PCNA: variants seen among roughly 807,000 people sequenced by gnomAD.
The protein encoded by PCNA is DNA sliding clamp PCNA.
Under a neutral mutation model 27.8 loss-of-function variants are expected in PCNA, and 4 were observed. That is an observed-to-expected ratio of 0.14 (90% CI 0.07 to 0.33). The LOEUF is 0.33. Among genes scored for constraint, PCNA ranks in the 10% least tolerant of loss-of-function variants. PCNA has a pLI of 1.00. For missense variants in PCNA, 165 were observed against 327.4 expected (o/e 0.50, Z 3.83); for synonymous variants, 121 against 119.4 (o/e 1.01, Z -0.09).
In PCNA at chr20:5,115,175, T is replaced by A. The variant is rs2090466570; in HGVS notation, c.*108A>T. On this transcript the variant is annotated 3_prime_UTR_variant, in exon 6 of 6. Transcript: ENST00000379143. ...ATTTACAGAAAACAATATCTACATA[T>A]GTACTTAGAGGTACAAATTTGGTGA... 1 of 717,274 alleles carries A rather than the reference T, an allele frequency of 1.4e-6. No homozygotes were observed. Among genetic ancestry groups the A allele is most frequent in the African/African-American group, 1.8e-5 (1 of 56,220 alleles). 44.4% of individuals were successfully genotyped at this position (717,274 alleles called of 1,614,324 possible).
At chr20:5,121,555 T>C (rs913961300), upstream of PCNA, 1 of 154,270 alleles carries the variant, frequency 6.5e-6, no homozygotes, top group African/African-American at 2.4e-5. Context: ...AGGGCATTTC[T>C]ATTATAAGAT....
intron 3 of PCNA, among the ~76,000 whole-genome samples, 178 bp downstream of exon 3, chr20:5,118,432 T>G (rs755294481): frequency 6.6e-6 from 1 of 152,074 alleles, no homozygotes; most frequent in Admixed American, 6.6e-5. Context: ...CTTAGGAGAC[T>G]AAGGCAAGAG....
chr20:5,116,511 T>C (rs866668964), intron 4 of PCNA, among the ~76,000 whole-genome samples: 4 of 152,178 alleles, frequency 2.6e-5, no homozygotes, highest in Admixed American at 6.5e-5. Context: ...GAGCAATATA[T>C]AGTATTTATT....
At chr20:5,118,888 C>G (rs764303854) in intron 1 of PCNA, 22 bp from the exon 2 acceptor site, 2 of 1,535,856 alleles carry the variant, frequency 1.3e-6, no homozygotes. Flanking sequence ...GAGACACATG[C>G]TTTAAAATCA....
upstream of PCNA, among the ~76,000 whole-genome samples, chr20:5,124,951 G>C (rs2090537283): frequency 6.6e-6 from 1 of 152,180 alleles, no homozygotes; most frequent in Non-Finnish European, 1.5e-5. Context: ...TGAGTTTCTA[G>C]AAGGACTGAC....
chr20:5,115,062 C>T lies in PCNA; in HGVS notation c.*221G>A. 1 of 413,248 alleles carries T rather than the reference C, an allele frequency of 2.4e-6. No individual in the cohort carries two copies. Among genetic ancestry groups the T allele is most frequent in the Admixed American group, 4.1e-5 (1 of 24,362 alleles). 25.6% of individuals were successfully genotyped at this position (413,248 alleles called of 1,614,324 possible). ...AAAAATCACAAGTATTTCTAAGAGA[C>T]AAAAATACTTCTAGGTTAACTAGAC... On this transcript the variant is annotated 3_prime_UTR_variant, in exon 6 of 6. Coordinates refer to ENST00000379143, the MANE Select transcript of PCNA (RefSeq NM_182649.2).
At chr20:5,120,070 C>T (rs1007928143), upstream of PCNA, 9 of 459,006 alleles carry the variant, frequency 2.0e-5, no homozygotes, top group Non-Finnish European at 3.6e-5. Flanking sequence ...TGTCCATGCT[C>T]CCCGCGAGGC....
chr20:5,120,661 A>G (rs1266417824), upstream of PCNA, among the ~76,000 whole-genome samples: 2 of 152,120 alleles, frequency 1.3e-5, no homozygotes, highest in Non-Finnish European at 2.9e-5. Flanking sequence ...TCTTTAAAAC[A>G]TAGCATCACA....
intron 1 of PCNA, among the ~76,000 whole-genome samples, chr20:5,125,419 C>T (rs1002853006): frequency 6.6e-6 from 1 of 151,640 alleles, no homozygotes; most frequent in Non-Finnish European, 1.5e-5. Context: ...CCCAGGAGTT[C>T]AAGACCAGTC....
upstream of PCNA, chr20:5,121,360 C>G (rs1437747747): frequency 7.6e-6 from 1 of 131,980 alleles, no homozygotes; most frequent in East Asian, 2.2e-4. Context: ...TTAGTCTATT[C>G]TTTATCTCTG....
In PCNA at chr20:5,118,805, T is replaced by G; in HGVS notation, c.283A>C (p.Asn95His). Residue 95 changes from asparagine to histidine, a missense_variant, in exon 2 of 6, where the codon AAC becomes CAC. Transcript: ENST00000379143. ...EDIITLRAED[N>H]ADTLALVFEA... ...AATACTAGCGCCAAGGTATCCGCGT[T>G]ATCTTCGGCCCTTAGTGTAATGATA... The G allele has an allele frequency of 6.2e-7, 1 of 1,614,182 alleles. No individual in the cohort carries two copies.
At chr20:5,122,688 A>G (rs2090525175), upstream of PCNA, among the ~76,000 whole-genome samples, 1 of 152,226 alleles carries the variant, frequency 6.6e-6, no homozygotes, top group Non-Finnish European at 1.5e-5. Context: ...AAAATGTGGA[A>G]TGTGTTCCTT....
upstream of PCNA, among the ~76,000 whole-genome samples, chr20:5,123,617 C>A (rs769922556): frequency 4.0e-5 from 6 of 151,752 alleles, no homozygotes; most frequent in Non-Finnish European, 8.8e-5. Context: ...ATTGCTTGAA[C>A]CCGGGAGGCA....
chr20:5,122,398 C>G (rs1164755189), upstream of PCNA, among the ~76,000 whole-genome samples: 1 of 152,248 alleles, frequency 6.6e-6, no homozygotes. Context: ...TGTTTCTCCA[C>G]TCAGTTAGTT....
Position 5,115,198 on chromosome 20 carries a change from T to G in PCNA, c.*85A>C. The G allele has an allele frequency of 1.0e-6, 1 of 952,914 alleles. No individual in the cohort carries two copies. The highest frequency in any genetic ancestry group is 1.7e-6 in the Non-Finnish European group (1 of 605,736). 59.0% of individuals were successfully genotyped at this position (952,914 alleles called of 1,614,324 possible). A position where few individuals can be genotyped will look rare whatever the true frequency, so the allele number is the denominator to read the frequency against. ...TATGTACTTAGAGGTACAAATTTGG[T>G]GACAGAAAAGACTTCAGTATATGCT... is the stretch of plus-strand genomic sequence containing the variant. On this transcript the variant is annotated 3_prime_UTR_variant, in exon 6 of 6. Coordinates refer to ENST00000379143, the MANE Select transcript of PCNA (RefSeq NM_182649.2).
At chr20:5,116,606 A>G (rs866436721) in intron 4 of PCNA, among the ~76,000 whole-genome samples, 2 of 152,198 alleles carry the variant, frequency 1.3e-5, no homozygotes, top group Admixed American at 6.5e-5. Flanking sequence ...TGAGGTTAGG[A>G]CCTTTGTCCT....
chr20:5,118,770 T>G lies in PCNA; in HGVS notation c.318A>C (p.Pro106=). 6.2e-7 allele frequency: 1 copy of G among 1,613,496 alleles called. No individual in the cohort carries two copies. The highest frequency in any genetic ancestry group is 8.5e-7 in the Non-Finnish European group (1 of 1,179,348). ...ADTLALVFEA[P]NQEKVSDYEM... ...ACTCGGTAAAAAGGTACGACTTACT[T>G]GGTGCTTCAAATACTAGCGCCAAGG... is the stretch of plus-strand genomic sequence containing the variant. The change falls in exon 2 of 6, where the codon CCA becomes CCC. Residue 106 remains proline (P), a splice_region_variant and synonymous_variant. Transcript: ENST00000379143.
At chr20:5,119,327 C>A (rs1344879711) in intron 1 of PCNA, among the ~76,000 whole-genome samples, 3 of 152,170 alleles carry the variant, frequency 2.0e-5, no homozygotes, top group African/African-American at 7.2e-5. Flanking sequence ...CCTGGCACTG[C>A]GGAAAAACCC....
chr20:5,119,541 C>G (rs2090501549), intron 1 of PCNA, 37 bp downstream of exon 1: 2 of 1,551,946 alleles, frequency 1.3e-6, no homozygotes, highest in Admixed American at 1.8e-5. Flanking sequence ...GAGGTGCAGG[C>G]GGGCCGGGGC....
Sources: gnomAD v4.1 joint callset for allele counts (sites outside exome capture counted in the v4.1 genomes callset) on GRCh38, gnomAD v4.1.1 for gene constraint, MANE v1.5 for transcripts, NCBI Gene and HGNC (gene_info 2026-07-23, HGNC 2026-07-21) for gene names.